The following ADGRV1 variants were observed in gnomAD, a reference collection of about 807,000 sequenced individuals.
ADGRV1 encodes the protein adhesion G protein-coupled receptor V1.
ADGRV1 carries 359 observed loss-of-function variants against 596.2 expected under a neutral mutation model. The observed-to-expected ratio is 0.60, with a 90% CI of 0.55 to 0.66. The LOEUF (loss-of-function observed/expected upper bound fraction) is 0.66, where lower values mean the gene tolerates loss of function less well. Among genes scored for constraint, ADGRV1 ranks in the 30% least tolerant of loss-of-function variants. The probability of loss-of-function intolerance (pLI) is 0.00; values close to 1 mark genes in which losing one functional copy is unlikely to be tolerated. For missense variants in ADGRV1, 7,274 were observed against 7,575.6 expected (o/e 0.96, Z 1.48); for synonymous variants, 2,681 against 2,679.2 (o/e 1.00, Z -0.02).
At chr5:90,953,541 G>GT (rs776878310) in intron 83 of ADGRV1, among the ~76,000 whole-genome samples, 17 of 151,926 alleles carry the variant, frequency 1.1e-4, no homozygotes, top group Non-Finnish European at 2.2e-4. Context: ...CAGTTTGCGA[G>GT]TTTTTTGTTT....
intron 1 of ADGRV1, among the ~76,000 whole-genome samples, chr5:90,596,836 GGAGAGGGAGAGC>G (rs1277692576): frequency 6.6e-6 from 1 of 150,684 alleles, no homozygotes; most frequent in Non-Finnish European, 1.5e-5. Context: ...AGAGGGCGAG[GGAGAGGGAGAGC>G]GAGAGGGAGA....
At position 91,089,812 on chromosome 5, in the gene ADGRV1, C is replaced by G. The variant is rs1023381258; in HGVS notation, c.18311-12407C>G. Among the ~76,000 whole-genome samples, 3 of 152,114 alleles carry G rather than the reference C, an allele frequency of 2.0e-5. No individual in the cohort carries two copies. In the South Asian group the frequency reaches 6.2e-4, roughly 32 times the overall value. On this transcript the variant is annotated intron_variant, in intron 86 of 89. Transcript: ENST00000405460. ...AATTATGAGACCATTTAGCCAGATT[C>G]AAAATACAGACATAGGCAAGTTTAA...
intron 85 of ADGRV1, among the ~76,000 whole-genome samples, chr5:91,064,800 T>G (rs1344392175): frequency 6.6e-6 from 1 of 152,214 alleles, no homozygotes; most frequent in Admixed American, 6.5e-5. Flanking sequence ...TTTCATAAAT[T>G]TATTCCTTTA....
At chr5:91,044,549 C>T (rs1785629607) in intron 85 of ADGRV1, among the ~76,000 whole-genome samples, 1 of 152,064 alleles carries the variant, frequency 6.6e-6, no homozygotes, top group South Asian at 2.1e-4. Context: ...CCTTGCTTTA[C>T]CACATACCAC....
chr5:90,755,220 A>G (rs1329425875), intron 55 of ADGRV1, 35 bp downstream of exon 55: 1 of 1,415,912 alleles, frequency 7.1e-7, no homozygotes. Context: ...GATCTAAAAT[A>G]GAGGAAAATT....
At chr5:91,080,850 A>G (rs1045560360) in intron 86 of ADGRV1, among the ~76,000 whole-genome samples, 1 of 152,184 alleles carries the variant, frequency 6.6e-6, no homozygotes, top group Admixed American at 6.6e-5. Flanking sequence ...AATATGTGTT[A>G]GTATTTTTAT....
chr5:90,761,994 A>G (rs972754405), intron 58 of ADGRV1, among the ~76,000 whole-genome samples: 63 of 152,346 alleles, frequency 4.1e-4, no homozygotes, highest in Non-Finnish European at 4.1e-4. Context: ...TCGGTGACAC[A>G]GATTAGATTC....
chr5:90,646,862 C>G (rs1767867384), intron 16 of ADGRV1, among the ~76,000 whole-genome samples: 1 of 151,508 alleles, frequency 6.6e-6, no homozygotes. Flanking sequence ...CACCCTCCGC[C>G]TTCTGGATTC....
At chr5:90,608,241 A>C (rs933088468) in intron 1 of ADGRV1, among the ~76,000 whole-genome samples, 4 of 152,098 alleles carry the variant, frequency 2.6e-5, no homozygotes, top group African/African-American at 9.7e-5. Context: ...GTGAAAATGG[A>C]GTGGGGGCAG....
intron 87 of ADGRV1, among the ~76,000 whole-genome samples, chr5:91,106,998 A>G (rs1486023527): frequency 1.3e-5 from 2 of 152,146 alleles, no homozygotes; most frequent in Non-Finnish European, 2.9e-5. Flanking sequence ...AGAACTGAGG[A>G]GCAATGCGGT....
intron 83 of ADGRV1, among the ~76,000 whole-genome samples, chr5:90,935,684 C>T (rs1356789552): frequency 6.6e-6 from 1 of 152,194 alleles, no homozygotes; most frequent in Admixed American, 6.5e-5. Context: ...CACCTATACA[C>T]ATAACTCTGG....
At chr5:91,115,446 T>A (rs955460241) in intron 87 of ADGRV1, among the ~76,000 whole-genome samples, 1 of 152,358 alleles carries the variant, frequency 6.6e-6, no homozygotes, top group Admixed American at 6.5e-5. Context: ...AAGAACATCA[T>A]GATGAGGAAG....
intron 64 of ADGRV1, chr5:90,781,178 C>A: frequency 2.2e-6 from 1 of 463,994 alleles, no homozygotes; most frequent in Non-Finnish European, 3.9e-6. Context: ...TCCCATTGCC[C>A]AAGTTTAGTA....
At chr5:90,991,252 C>T (rs1023822728) in intron 85 of ADGRV1, among the ~76,000 whole-genome samples, 11 of 152,068 alleles carry the variant, frequency 7.2e-5, no homozygotes, top group Non-Finnish European at 1.0e-4. Flanking sequence ...TTCTAAAATG[C>T]CTGCTTTGTT....
chr5:90,577,794 G>C (rs1034215237), intron 1 of ADGRV1, among the ~76,000 whole-genome samples: 5 of 152,078 alleles, frequency 3.3e-5, no homozygotes, highest in Non-Finnish European at 5.9e-5. Flanking sequence ...TTATTTCGTT[G>C]AGCAGTCCTT....
At chr5:90,796,280 TAAA>T (rs1760701305) in intron 70 of ADGRV1, among the ~76,000 whole-genome samples, 4 of 151,898 alleles carry the variant, frequency 2.6e-5, no homozygotes, top group African/African-American at 9.7e-5. Context: ...GAGAAGAACA[TAAA>T]TGACCTGATG....
intron 77 of ADGRV1, among the ~76,000 whole-genome samples, chr5:90,838,598 C>T (rs917780937): frequency 6.6e-6 from 1 of 152,168 alleles, no homozygotes; most frequent in Non-Finnish European, 1.5e-5. Flanking sequence ...CTATGTATAA[C>T]AGATAACTCT....
In ADGRV1 at chr5:90,694,488, G is replaced by C; in HGVS notation, c.7732G>C (p.Gly2578Arg). The change falls in exon 33 of 90, where the codon GGA becomes CGA. Residue 2578 changes from glycine to arginine, a missense_variant. Coordinates refer to ENST00000405460, the MANE Select transcript of ADGRV1 (RefSeq NM_032119.4). Reference protein sequence around the residue: ...VVIALNGDAFGVFVIYNISPN... With the variant: ...VVIALNGDAFRVFVIYNISPN... ...CATAGCACTAAATGGTGATGCCTTTGGAGTGTTTGTGATCTACAATATTAG... is the reference window on the plus strand; with the variant it reads ...CATAGCACTAAATGGTGATGCCTTTCGAGTGTTTGTGATCTACAATATTAG... The C allele has an allele frequency of 6.2e-7, 1 of 1,613,932 alleles. No homozygotes were observed. The highest frequency in any genetic ancestry group is 1.1e-5 in the South Asian group (1 of 91,082).
intron 76 of ADGRV1, among the ~76,000 whole-genome samples, chr5:90,824,336 A>T (rs1288111417): frequency 7.2e-5 from 11 of 152,236 alleles, no homozygotes; most frequent in Non-Finnish European, 2.9e-5. Context: ...GATGTAAGAC[A>T]GCCAATTAAC....
Sources: gnomAD v4.1 joint callset for allele counts (sites outside exome capture counted in the v4.1 genomes callset) on GRCh38, gnomAD v4.1.1 for gene constraint, MANE v1.5 for transcripts, NCBI Gene and HGNC (gene_info 2026-07-23, HGNC 2026-07-21) for gene names.